Variants in PARVA observed in about 807,000 individuals in gnomAD.
PARVA encodes parvin alpha, also known as alpha-parvin.
Under a neutral mutation model 52.6 loss-of-function variants are expected in PARVA, and 25 were observed. The ratio of observed to expected loss-of-function variants is 0.48; its 90% CI spans 0.35 to 0.66. PARVA has a LOEUF of 0.66. Among genes scored for constraint, PARVA ranks in the 30% least tolerant of loss-of-function variants. The pLI, the probability that PARVA is intolerant of heterozygous loss-of-function variation, is 0.01. For synonymous variants in PARVA, 185 were observed against 179.1 expected (o/e 1.03, Z -0.26); for missense variants, 373 against 450.9 (o/e 0.83, Z 1.56).
rs1192111185 is a variant in PARVA at position 12,525,624 on chromosome 11, T to C, written c.1043-2225T>C. On this transcript the variant is annotated intron_variant, in intron 12 of 12. Coordinates refer to ENST00000334956, the MANE Select transcript of PARVA (RefSeq NM_018222.5). ...AGGACAGGAATTGGCCTAGAGGGCA[T>C]GGGATTCCATCTGGCAGAAGGTGAT... 4.6e-5 allele frequency among the ~76,000 whole-genome samples: 7 copies of C among 152,234 alleles called. No individual in the cohort carries two copies. In the East Asian group the frequency reaches 1.4e-3, roughly 30 times the overall value.
intron 1 of PARVA, among the ~76,000 whole-genome samples, chr11:12,420,387 A>G (rs1397584835): frequency 6.6e-6 from 1 of 152,194 alleles, no homozygotes; most frequent in African/African-American, 2.4e-5. Flanking sequence ...AGAGTGAGGA[A>G]ACGTAGGTTT....
chr11:12,416,761 TGGAGGGAGAAAGAAGGGAAGAGGAGGGAG>T (rs1443817758), intron 1 of PARVA, among the ~76,000 whole-genome samples: 2 of 125,076 alleles, frequency 1.6e-5, no homozygotes, highest in Non-Finnish European at 3.3e-5. Flanking sequence ...AAGAAAGCAA[TGGAGGGAGAAAGAAGGGAAGAGGAGGGAG>T]GGAGGGAGAA....
chr11:12,462,370 T>A (rs190835434), intron 1 of PARVA, among the ~76,000 whole-genome samples: 1 of 152,120 alleles, frequency 6.6e-6, no homozygotes, highest in East Asian at 1.9e-4. Flanking sequence ...AGATTTAGAG[T>A]ATGCAGTGAG....
intron 6 of PARVA, among the ~76,000 whole-genome samples, chr11:12,508,130 A>C (rs1224610525): frequency 3.3e-5 from 5 of 151,436 alleles, no homozygotes. Flanking sequence ...AAACCAAAAA[A>C]AAAAACCCTC....
At chr11:12,413,321 G>A (rs1243369871) in intron 1 of PARVA, among the ~76,000 whole-genome samples, 1 of 152,156 alleles carries the variant, frequency 6.6e-6, no homozygotes, top group African/African-American at 2.4e-5. Context: ...TAAAATAGTT[G>A]CCAATCTTAA....
intron 1 of PARVA, chr11:12,453,106 C>T: frequency 2.2e-6 from 1 of 449,696 alleles, no homozygotes; most frequent in Non-Finnish European, 4.5e-6. Flanking sequence ...CCCTGGCCAC[C>T]TCCCAGCTCG....
intron 1 of PARVA, among the ~76,000 whole-genome samples, chr11:12,424,724 G>A (rs1168354845): frequency 6.6e-6 from 1 of 152,094 alleles, no homozygotes; most frequent in Non-Finnish European, 1.5e-5. Flanking sequence ...TATAATCATT[G>A]TTTTATCCTA....
chr11:12,472,677 C>A (rs1166874790), intron 1 of PARVA, among the ~76,000 whole-genome samples: 9 of 150,326 alleles, frequency 6.0e-5, no homozygotes, highest in Admixed American at 2.0e-4. Context: ...ATTGGTGAGG[C>A]CAGAGTCAAT....
At chr11:12,407,120 T>G (rs1419125126) in intron 1 of PARVA, among the ~76,000 whole-genome samples, 1 of 152,244 alleles carries the variant, frequency 6.6e-6, no homozygotes, top group African/African-American at 2.4e-5. Flanking sequence ...TGTACATTGC[T>G]AACATTTCCC....
rs550422431 is a variant in PARVA at position 12,525,082 on chromosome 11, G to T, written c.1043-2767G>T. ...AGGCCAAGCATGGCCCATGGGGAGG[G>T]TAGTGAAAGGAAGCCACAGTGACTG... On this transcript the variant is annotated intron_variant, in intron 12 of 12. Transcript: ENST00000334956. 2.0e-5 allele frequency among the ~76,000 whole-genome samples: 3 copies of T among 152,320 alleles called. No homozygotes were observed. In the East Asian group the frequency reaches 5.8e-4, roughly 29 times the overall value.
intron 12 of PARVA, among the ~76,000 whole-genome samples, chr11:12,526,668 C>T (rs1941705269): frequency 1.3e-5 from 2 of 152,202 alleles, no homozygotes; most frequent in Admixed American, 6.5e-5. Flanking sequence ...TAAAGGTAAC[C>T]ACTATTCTGA....
intron 12 of PARVA, among the ~76,000 whole-genome samples, chr11:12,523,593 T>C (rs886450011): frequency 1.1e-4 from 16 of 152,182 alleles, no homozygotes; most frequent in Non-Finnish European, 4.4e-5. Context: ...GGTCCTCTCC[T>C]GATAGAAAGA....
intron 12 of PARVA, among the ~76,000 whole-genome samples, chr11:12,525,026 A>G (rs1564871328): frequency 1.3e-5 from 2 of 152,154 alleles, no homozygotes; most frequent in Non-Finnish European, 2.9e-5. Context: ...ATTTGGGAAG[A>G]GTGATCTAGA....
At chr11:12,516,896 G>A (rs1941574782) in intron 10 of PARVA, among the ~76,000 whole-genome samples, 1 of 152,150 alleles carries the variant, frequency 6.6e-6, no homozygotes, top group Non-Finnish European at 1.5e-5. Flanking sequence ...TGAGAGAGCT[G>A]GAATTTGCAC....
rs184293333 is a variant in PARVA at position 12,469,600 on chromosome 11, G to T, written c.137-4145G>T. 5.3e-5 allele frequency among the ~76,000 whole-genome samples: 8 copies of T among 152,308 alleles called. No individual in the cohort carries two copies. The East Asian group carries it at 1.5e-3, about 29-fold the overall frequency. ...GCAGGAGGGCTGTTTTGGGAAAGTG[G>T]CCACTAATGGGGCCCCATGGGGCAA... On this transcript the variant is annotated intron_variant, in intron 1 of 12. Coordinates refer to ENST00000334956, the MANE Select transcript of PARVA (RefSeq NM_018222.5).
chr11:12,491,166 G>C (rs1363831962), intron 4 of PARVA, among the ~76,000 whole-genome samples: 1 of 152,082 alleles, frequency 6.6e-6, no homozygotes, highest in Non-Finnish European at 1.5e-5. Context: ...ACAAGAGATA[G>C]TTTTGTTTTG....
rs976175191 is a variant in PARVA, at chr11:12,504,215, A to G, written c.542-99A>G. On this transcript the variant is annotated intron_variant, in intron 5 of 12. Transcript: ENST00000334956. Reference sequence around the variant, plus strand: ...AGATTTGGGCAGGGACAAATATCCAAACTCTATCAGTGGGGTACTACTACA... The same window carrying G: ...AGATTTGGGCAGGGACAAATATCCAGACTCTATCAGTGGGGTACTACTACA... 4.2e-5 allele frequency: 29 copies of G among 682,354 alleles called. 2 individuals are homozygous for G. The South Asian group carries it at 5.1e-4, about 12-fold the overall frequency. The allele number at this position is 682,354 out of a possible 1,614,324, so 42.3% of individuals were successfully genotyped here. A position where few individuals can be genotyped will look rare whatever the true frequency, so the allele number is the denominator to read the frequency against.
chr11:12,496,371 A>G (rs1224737962), intron 4 of PARVA, 87 bp from the exon 5 acceptor site: 1 of 998,128 alleles, frequency 1.0e-6, no homozygotes, highest in East Asian at 4.4e-5. Context: ...TGAGTGCATG[A>G]GAGACCGAAT....
At chr11:12,437,283 C>G (rs1384984858) in intron 1 of PARVA, among the ~76,000 whole-genome samples, 2 of 152,218 alleles carry the variant, frequency 1.3e-5, no homozygotes, top group African/African-American at 4.8e-5. Context: ...GATATCCTCT[C>G]CCTGCCTTTG....
Sources: allele counts gnomAD v4.1 joint callset (sites outside exome capture counted in the v4.1 genomes callset), GRCh38; gene constraint gnomAD v4.1.1; transcripts MANE v1.5; gene names NCBI Gene and HGNC (gene_info 2026-07-23, HGNC 2026-07-21).